The following LIMCH1 variants were observed in gnomAD, a reference collection of about 807,000 sequenced individuals.
The protein encoded by LIMCH1 is LIM and calponin homology domains-containing protein 1.
In LIMCH1, 113 loss-of-function variants were observed where a neutral mutation model predicts 176.5. The observed-to-expected ratio is 0.64, with a 90% CI of 0.55 to 0.75. LIMCH1 has a LOEUF of 0.75. LIMCH1 is among the 30% of genes least tolerant of loss of function. The pLI, the probability that LIMCH1 is intolerant of heterozygous loss-of-function variation, is 0.00. For missense variants in LIMCH1, 1,674 were observed against 1,814.9 expected, an observed-to-expected ratio of 0.92 and a Z score of 1.41; for synonymous variants, 619 against 645.9, an observed-to-expected ratio of 0.96 and a Z score of 0.63.
intron 2 of LIMCH1, among the ~76,000 whole-genome samples, chr4:41,519,134 C>A (rs1315624936): frequency 6.6e-6 from 1 of 152,062 alleles, no homozygotes; most frequent in Non-Finnish European, 1.5e-5. Context: ...TTTAATTCAC[C>A]TTCTCAAAAA....
intron 3 of LIMCH1, 83 bp from the exon 4 acceptor site, chr4:41,605,811 C>G: frequency 1.3e-6 from 1 of 766,650 alleles, no homozygotes; most frequent in Non-Finnish European, 2.3e-6. Flanking sequence ...TTCCTGCCTT[C>G]CTGTTAGTGG....
At chr4:41,635,328 A>G (rs1175776637) in intron 13 of LIMCH1, among the ~76,000 whole-genome samples, 2 of 152,010 alleles carry the variant, frequency 1.3e-5, no homozygotes, top group African/African-American at 2.4e-5. Flanking sequence ...TGCCCATTCA[A>G]GCGATTCTTA....
chr4:41,402,793 A>G (rs2058588507), intron 1 of LIMCH1, among the ~76,000 whole-genome samples: 2 of 132,854 alleles, frequency 1.5e-5, no homozygotes, highest in South Asian at 5.1e-4. Flanking sequence ...ACATGGACAC[A>G]GGAAGGGGAA....
At chr4:41,518,301 C>T (rs1321537419) in intron 2 of LIMCH1, among the ~76,000 whole-genome samples, 1 of 152,146 alleles carries the variant, frequency 6.6e-6, no homozygotes, top group Non-Finnish European at 1.5e-5. Flanking sequence ...TGCTGTGCTC[C>T]TTGAAGAACT....
At chr4:41,514,211 C>T (rs759117906) in intron 2 of LIMCH1, among the ~76,000 whole-genome samples, 4 of 152,026 alleles carry the variant, frequency 2.6e-5, no homozygotes, top group Non-Finnish European at 5.9e-5. Flanking sequence ...CTGGCCCTTA[C>T]ACTAGAGCTA....
chr4:41,587,217 T>G (rs899546245), intron 1 of LIMCH1, among the ~76,000 whole-genome samples: 2 of 152,202 alleles, frequency 1.3e-5, no homozygotes, highest in South Asian at 2.1e-4. Flanking sequence ...TGATCCACTT[T>G]TGTGAGTGCA....
At chr4:41,564,022 A>G (rs1343320855) in intron 1 of LIMCH1, among the ~76,000 whole-genome samples, 1 of 152,188 alleles carries the variant, frequency 6.6e-6, no homozygotes, top group African/African-American at 2.4e-5. Context: ...ATTATAGAAC[A>G]GCATGGTTAA....
intron 26 of LIMCH1, 23 bp downstream of exon 26, chr4:41,682,483 C>A (rs1716784716): frequency 6.2e-7 from 1 of 1,607,148 alleles, no homozygotes; most frequent in African/African-American, 1.3e-5. Context: ...CCCAAGCCAC[C>A]ATGAAAATGT....
intron 1 of LIMCH1, among the ~76,000 whole-genome samples, chr4:41,398,590 G>A (rs551978414): frequency 2.0e-5 from 3 of 152,250 alleles, no homozygotes; most frequent in African/African-American, 4.8e-5. Context: ...CGAACAGTGC[G>A]TGTCTTTTTT....
chr4:41,391,586 A>G (rs1192267141), intron 1 of LIMCH1, among the ~76,000 whole-genome samples: 1 of 152,192 alleles, frequency 6.6e-6, no homozygotes, highest in Non-Finnish European at 1.5e-5. Context: ...CCAACAAGTC[A>G]TGGTGCTTCT....
chr4:41,472,947 G>A lies in LIMCH1; in HGVS notation c.97-21589G>A, dbSNP rs114287435. 7,098 of 851,398 alleles carry A rather than the reference G, an allele frequency of 8.3e-3. 34 individuals are homozygous for A. Among genetic ancestry groups the A allele is most frequent in the East Asian group, 0.013 (107 of 8,112 alleles). The allele number at this position is 851,398 out of a possible 1,614,324, so 52.7% of individuals were successfully genotyped here. On this transcript the variant is annotated intron_variant, in intron 1 of 26. Transcript: ENST00000313860. ...TAACATCCCATGGAGCTAGGATTCT[G>A]CAGAAAACACTTTGGGAAATGCTGC...
chr4:41,392,165 T>C (rs144630972), intron 1 of LIMCH1, among the ~76,000 whole-genome samples: 26 of 152,288 alleles, frequency 1.7e-4, no homozygotes, highest in African/African-American at 5.8e-4. Context: ...GTGCTGGTAA[T>C]ACAGCAGTGA....
chr4:41,370,375 G>A (rs2053776165), intron 1 of LIMCH1, among the ~76,000 whole-genome samples: 2 of 150,874 alleles, frequency 1.3e-5, no homozygotes, highest in Non-Finnish European at 2.9e-5. Context: ...TATTAGACAG[G>A]TATTTTTAAA....
chr4:41,530,821 T>TAAAAAAAAG (rs2077197676), intron 3 of LIMCH1, among the ~76,000 whole-genome samples: 1 of 68,082 alleles, frequency 1.5e-5, no homozygotes, highest in Non-Finnish European at 2.4e-5. Flanking sequence ...AAAAAAAAAT[T>TAAAAAAAAG]TTTTTTTTTT....
Position 41,644,563 on chromosome 4 carries a change from C to G in LIMCH1, c.2190C>G (p.Ala730=). 6.2e-7 allele frequency: 1 copy of G among 1,608,240 alleles called. No individual in the cohort carries two copies. Among genetic ancestry groups the G allele is most frequent in the Non-Finnish European group, 8.5e-7 (1 of 1,177,564 alleles). ...CCGCGGTGCAGCCGCACAGCAGGGC[C>G]CGCCAGGAGCAGCTGCAGCTGATAA... ...EEAAVQPHSR[A]RQEQLQLINN... is the part of the protein sequence containing the mutation. The change falls in exon 15 of 32, where the codon GCC becomes GCG. Residue 730 remains alanine, a synonymous_variant. Transcript: ENST00000503057.
intron 1 of LIMCH1, among the ~76,000 whole-genome samples, chr4:41,575,980 C>T (rs2084400399): frequency 6.6e-6 from 1 of 152,150 alleles, no homozygotes; most frequent in African/African-American, 2.4e-5. Context: ...CATTTGTTGT[C>T]ATTTATTGAC....
At chr4:41,462,930 G>A (rs1025316472) in intron 1 of LIMCH1, among the ~76,000 whole-genome samples, 5 of 151,560 alleles carry the variant, frequency 3.3e-5, no homozygotes, top group African/African-American at 4.9e-5. Flanking sequence ...TGAAATCAGC[G>A]AGCATAGGTT....
At position 41,692,380 on chromosome 4, in the gene LIMCH1, C is replaced by A. The variant is rs1440337379; in HGVS notation, c.4374C>A (p.Ser1458=). 1 of 1,596,266 alleles carries A rather than the reference C, an allele frequency of 6.3e-7. No homozygotes were observed. The highest frequency in any genetic ancestry group is 8.6e-7 in the Non-Finnish European group (1 of 1,163,950). ...LLNCNDCYMR[S]RSAGQPTTL ...ACTGTAATGATTGCTACATGCGATC[C>A]AGAAGTAAGTACTGGGGAGAATGCC... The change falls in exon 31 of 32, where the codon TCC becomes TCA. Residue 1458 remains serine (S), a synonymous_variant. Transcript: ENST00000503057.
intron 1 of LIMCH1, among the ~76,000 whole-genome samples, chr4:41,480,696 GAA>G (rs1399030211): frequency 1.3e-5 from 2 of 152,144 alleles, no homozygotes; most frequent in Non-Finnish European, 2.9e-5. Flanking sequence ...TCTGCTCCTG[GAA>G]ATGGAGGCAA....
Sources: allele counts gnomAD v4.1 joint callset (sites outside exome capture counted in the v4.1 genomes callset), GRCh38; gene constraint gnomAD v4.1.1; transcripts MANE v1.5; gene names NCBI Gene and HGNC (gene_info 2026-07-23, HGNC 2026-07-21).